Variants in GRID2 observed in about 807,000 individuals in gnomAD.
GRID2 encodes glutamate ionotropic receptor delta type subunit 2.
GRID2 carries 33 observed loss-of-function variants against 114.8 expected under a neutral mutation model. The ratio of observed to expected loss-of-function variants is 0.29; its 90% CI spans 0.22 to 0.38. The LOEUF (loss-of-function observed/expected upper bound fraction) is 0.38, where lower values mean the gene tolerates loss of function less well. Ranked by LOEUF, GRID2 falls within the 10% of genes least tolerant of loss-of-function variation. The pLI is 1.00. For missense variants in GRID2, 1,184 were observed against 1,257.7 expected (o/e 0.94, Z 0.89); for synonymous variants, 505 against 449.9 (o/e 1.12, Z -1.55).
At position 93,293,391 on chromosome 4, in the gene GRID2, G is replaced by A. The variant is rs138446793; in HGVS notation, c.1245+54901G>A. 6.9e-3 allele frequency among the ~76,000 whole-genome samples: 1,046 copies of A among 152,148 alleles called. 13 individuals carry two copies. The highest frequency in any genetic ancestry group is 0.01 in the Middle Eastern group (3 of 294). On this transcript the variant is annotated intron_variant, in intron 8 of 15. Coordinates refer to ENST00000282020, the MANE Select transcript of GRID2 (RefSeq NM_001510.4). ...CTTTATGGAATAAGAGAAATTTAAC[G>A]AAGTTAATTATAAAAATGTTCAAGA... is the stretch of plus-strand genomic sequence containing the variant.
intron 2 of GRID2, among the ~76,000 whole-genome samples, chr4:92,881,830 A>G: frequency 6.6e-6 from 1 of 152,226 alleles, no homozygotes; most frequent in Non-Finnish European, 1.5e-5. Flanking sequence ...TTGATGTGAT[A>G]TCCTAATAGG....
chr4:92,919,814 A>G (rs1164962525), intron 2 of GRID2, among the ~76,000 whole-genome samples: 1 of 152,194 alleles, frequency 6.6e-6, no homozygotes, highest in Non-Finnish European at 1.5e-5. Flanking sequence ...GGTGCTGAGA[A>G]GAATGTATAT....
intron 1 of GRID2, among the ~76,000 whole-genome samples, chr4:92,444,584 T>C (rs918496016): frequency 6.6e-6 from 1 of 152,192 alleles, no homozygotes; most frequent in Non-Finnish European, 1.5e-5. Flanking sequence ...TCAGTTACTT[T>C]AGGCCATCTG....
intron 1 of GRID2, among the ~76,000 whole-genome samples, chr4:92,420,044 T>C (rs777210493): frequency 2.6e-5 from 4 of 152,106 alleles, no homozygotes; most frequent in African/African-American, 9.7e-5. Context: ...TAGCTTATTA[T>C]TGGGGATTAT....
At chr4:93,417,161 T>C (rs543123216) in intron 9 of GRID2, among the ~76,000 whole-genome samples, 17 of 152,122 alleles carry the variant, frequency 1.1e-4, no homozygotes, top group Non-Finnish European at 2.5e-4. Context: ...CTCAAAGCCA[T>C]CTACTCACAC....
rs1046803158 is a variant in GRID2 at position 93,555,705 on chromosome 4, T to C, written c.2193+40294T>C. Among the ~76,000 whole-genome samples, 17 of 152,332 alleles carry C rather than the reference T, an allele frequency of 1.1e-4. No homozygotes were observed. In the South Asian group the frequency reaches 2.9e-3, roughly 26 times the overall value. On this transcript the variant is annotated intron_variant, in intron 13 of 15. Transcript: ENST00000282020. ...TTCAGCAGACGTAAATGTTCCTGCC[T>C]GCTGGCTCTGAAGACAGCAACAGAT...
rs865891100 is a variant in GRID2 at position 93,292,152 on chromosome 4, A to G, written c.1245+53662A>G. On this transcript the variant is annotated intron_variant, in intron 8 of 15. Coordinates refer to ENST00000282020, the MANE Select transcript of GRID2 (RefSeq NM_001510.4). ...ATACTCAGAGGACAAATTTGAATGA[A>G]ACTTATGTTGTACAATTCATCTGGT... Among the ~76,000 whole-genome samples, 10 of 152,296 alleles carry G rather than the reference A, an allele frequency of 6.6e-5. No individual in the cohort carries two copies. The Middle Eastern group carries it at 0.017, about 259-fold the overall frequency.
At chr4:93,634,546 TTAAA>T (rs1394265674) in intron 14 of GRID2, among the ~76,000 whole-genome samples, 2 of 152,126 alleles carry the variant, frequency 1.3e-5, no homozygotes, top group African/African-American at 2.4e-5. Flanking sequence ...AGCCTCAGAC[TTAAA>T]TATCTTGCCA....
At chr4:92,995,616 A>C (rs1321747144) in intron 2 of GRID2, among the ~76,000 whole-genome samples, 1 of 152,152 alleles carries the variant, frequency 6.6e-6, no homozygotes, top group Non-Finnish European at 1.5e-5. Context: ...TGTAATAATA[A>C]CATTGTAATA....
At chr4:93,535,407 A>G (rs112063841) in intron 13 of GRID2, among the ~76,000 whole-genome samples, 31 of 152,172 alleles carry the variant, frequency 2.0e-4, no homozygotes, top group African/African-American at 7.2e-4. Context: ...TTTTGGATAT[A>G]TATCCAGAAA....
chr4:93,312,511 A>G (rs1756125933), intron 8 of GRID2, among the ~76,000 whole-genome samples: 1 of 152,180 alleles, frequency 6.6e-6, no homozygotes. Flanking sequence ...CAAAAGAAAA[A>G]CATCAATTGT....
intron 2 of GRID2, among the ~76,000 whole-genome samples, chr4:92,927,891 C>T (rs938991471): frequency 4.0e-5 from 6 of 151,630 alleles, no homozygotes; most frequent in Non-Finnish European, 8.9e-5. Flanking sequence ...TTGCATTATA[C>T]TTACCAGTTG....
chr4:92,359,516 A>T (rs1261353680), intron 1 of GRID2, among the ~76,000 whole-genome samples: 1 of 151,986 alleles, frequency 6.6e-6, no homozygotes, highest in Non-Finnish European at 1.5e-5. Context: ...CACAATGCAC[A>T]GGAAAAGCCC....
intron 2 of GRID2, among the ~76,000 whole-genome samples, chr4:93,038,545 C>T (rs1218258850): frequency 6.6e-6 from 1 of 152,090 alleles, no homozygotes; most frequent in Non-Finnish European, 1.5e-5. Flanking sequence ...AATCTCAGCA[C>T]TTTGGGAGGC....
chr4:93,210,417 C>T (rs1189095919), intron 5 of GRID2, among the ~76,000 whole-genome samples: 1 of 152,080 alleles, frequency 6.6e-6, no homozygotes, highest in Non-Finnish European at 1.5e-5. Flanking sequence ...AGCCTTATAT[C>T]TGGGCAATCT....
intron 14 of GRID2, among the ~76,000 whole-genome samples, chr4:93,701,176 A>G (rs1184520897): frequency 2.6e-5 from 4 of 152,156 alleles, no homozygotes; most frequent in Non-Finnish European, 5.9e-5. Context: ...TCCTATATTG[A>G]GCAATCATAT....
At chr4:93,420,894 C>T (rs949824220) in intron 9 of GRID2, among the ~76,000 whole-genome samples, 10 of 152,094 alleles carry the variant, frequency 6.6e-5, no homozygotes, top group African/African-American at 2.4e-4. Context: ...GCTGGGACTA[C>T]AGGCGCCTGC....
At chr4:92,665,807 G>A (rs1265282092) in intron 2 of GRID2, among the ~76,000 whole-genome samples, 2 of 150,756 alleles carry the variant, frequency 1.3e-5, no homozygotes, top group South Asian at 2.1e-4. Flanking sequence ...CATTGAGGTT[G>A]CATATTATAA....
chr4:92,379,323 T>C (rs1479933547), intron 1 of GRID2, among the ~76,000 whole-genome samples: 2 of 151,986 alleles, frequency 1.3e-5, no homozygotes, highest in East Asian at 3.9e-4. Context: ...TTAGATGTTT[T>C]TGTTGCCATG....
Sources: allele counts gnomAD v4.1 joint callset (sites outside exome capture counted in the v4.1 genomes callset), GRCh38; gene constraint gnomAD v4.1.1; transcripts MANE v1.5; gene names NCBI Gene and HGNC (gene_info 2026-07-23, HGNC 2026-07-21).